The following RABL2A variants were observed in gnomAD, a reference collection of about 807,000 sequenced individuals.
RABL2A encodes the protein RAB, member of RAS oncogene family like 2A.
A neutral mutation model predicts 30.7 loss-of-function variants in RABL2A; 17 were observed. The ratio of observed to expected loss-of-function variants is 0.55; its 90% confidence interval spans 0.38 to 0.83. The LOEUF (loss-of-function observed/expected upper bound fraction) is 0.83. Among genes scored for constraint, RABL2A ranks in the 40% least tolerant of loss-of-function variants. The probability of loss-of-function intolerance (pLI) is 0.00; values close to 1 mark genes in which losing one functional copy is unlikely to be tolerated. For missense variants in RABL2A, 155 were observed against 272.6 expected, an observed-to-expected ratio of 0.57 and a Z score of 3.04; for synonymous variants, 64 against 101.8, an observed-to-expected ratio of 0.63 and a Z score of 2.24.
chr2:113,639,538 C>G (rs1032754481), intron 5 of RABL2A, among the ~76,000 whole-genome samples: 9 of 150,886 alleles, frequency 6.0e-5, no homozygotes, highest in African/African-American at 2.2e-4. Flanking sequence ...AAGAGAATCG[C>G]TTGAACCTAG....
intron 3 of RABL2A, chr2:113,633,320 A>C (rs925320357): frequency 9.1e-6 from 3 of 329,998 alleles, no homozygotes; most frequent in Non-Finnish European, 1.7e-5. Context: ...CTACTATTGA[A>C]AAAAATCTCT....
At chr2:113,636,860 G>T (rs972565314) in intron 5 of RABL2A, among the ~76,000 whole-genome samples, 1 of 151,930 alleles carries the variant, frequency 6.6e-6, no homozygotes, top group Non-Finnish European at 1.5e-5. Flanking sequence ...GTGGTAGCGG[G>T]CGCCTGTAGT....
At chr2:113,632,665 G>GA (rs1416327088) in intron 2 of RABL2A, among the ~76,000 whole-genome samples, 1 of 152,246 alleles carries the variant, frequency 6.6e-6, no homozygotes, top group African/African-American at 2.4e-5. Flanking sequence ...TGCTCTGGTG[G>GA]AAATAACAGA....
chr2:113,637,314 C>G (rs551347676), intron 5 of RABL2A: 1 of 990,884 alleles, frequency 1.0e-6, no homozygotes, highest in African/African-American at 1.7e-5. Flanking sequence ...GCTTCAATGC[C>G]ACCACCTCCG....
intron 2 of RABL2A, among the ~76,000 whole-genome samples, chr2:113,629,926 G>A (rs947418265): frequency 1.8e-4 from 27 of 152,058 alleles, no homozygotes; most frequent in African/African-American, 6.5e-4. Context: ...GTTTGGGAAG[G>A]TTACCCAATA....
In RABL2A at chr2:113,634,186, C is replaced by A; in HGVS notation, c.171C>A (p.Thr57=). 6.2e-7 allele frequency: 1 copy of A among 1,612,840 alleles called. No homozygotes were observed. Among genetic ancestry groups the A allele is most frequent in the Non-Finnish European group, 8.5e-7 (1 of 1,179,368 alleles). The change falls in exon 4 of 9, where the codon ACC becomes ACA. Residue 57 remains threonine (T), a synonymous_variant. Coordinates refer to ENST00000683472, the MANE Select transcript of RABL2A (RefSeq NM_001306158.2). ...AGCAGCTGTCCACGTACGCCCTGAC[C>A]CTGTACAAGCACACAGCCACGGTAG... is the stretch of plus-strand genomic sequence containing the variant. The part of the protein sequence containing the change: ...QPQQLSTYAL[T]LYKHTATVDG...
chr2:113,641,707 T>C (rs1277548182), intron 7 of RABL2A, 74 bp from the exon 8 acceptor site: 3 of 588,394 alleles, frequency 5.1e-6, no homozygotes, highest in Non-Finnish European at 8.9e-6. Context: ...TTGTGTAGTC[T>C]CACAGTGGGG....
At chr2:113,627,778 A>G (rs1402560259) in intron 1 of RABL2A, 5 of 228,714 alleles carry the variant, frequency 2.2e-5, no homozygotes, top group African/African-American at 9.3e-5. Context: ...GTGAGACCCT[A>G]TCTCTAAACA....
intron 2 of RABL2A, among the ~76,000 whole-genome samples, chr2:113,630,639 T>A (rs1271266726): frequency 6.6e-6 from 1 of 152,040 alleles, no homozygotes; most frequent in Non-Finnish European, 1.5e-5. Flanking sequence ...GTGCCTTTTT[T>A]TTTTTTTCTC....
rs1186636524 is a variant in RABL2A, at chr2:113,642,340, T to A, written c.*211T>A. 8.5e-7 allele frequency: 1 copy of A among 1,169,906 alleles called. No individual in the cohort carries two copies. Among genetic ancestry groups the A allele is most frequent in the African/African-American group, 1.6e-5 (1 of 64,476 alleles). The allele number at this position is 1,169,906 out of a possible 1,614,324, so 72.5% of individuals were successfully genotyped here. On this transcript the variant is annotated 3_prime_UTR_variant, in exon 9 of 9. Coordinates refer to ENST00000683472, the MANE Select transcript of RABL2A (RefSeq NM_001306158.2). ...ACTGGTGGAAGAATTCCCCACCAGA[T>A]CTCCTTGAAGCAGAATTAGGGATCA...
chr2:113,630,239 C>T (rs1307576429), intron 2 of RABL2A, among the ~76,000 whole-genome samples: 3 of 152,166 alleles, frequency 2.0e-5, no homozygotes, highest in Admixed American at 6.5e-5. Context: ...AAAAGGTTGT[C>T]CCAGATACAA....
chr2:113,635,502 C>T, intron 5 of RABL2A: 1 of 360,282 alleles, frequency 2.8e-6, no homozygotes, highest in Non-Finnish European at 5.4e-6. Flanking sequence ...CTAGGGGGCA[C>T]ATGCTGGGAC....
chr2:113,637,320 C>T (rs1482711348), intron 5 of RABL2A: 2 of 994,896 alleles, frequency 2.0e-6, no homozygotes, highest in Non-Finnish European at 2.4e-6. Context: ...ATGCCACCAC[C>T]TCCGTGCAGC....
Position 113,638,335 on chromosome 2 carries a change from G to A in RABL2A, c.298-2559G>A, listed in dbSNP as rs140366527. On this transcript the variant is annotated intron_variant, in intron 5 of 8. Transcript: ENST00000683472. ...CCTAGCCCTGAGCTTGAACCATGTT[G>A]CTTGCACAAATAGCTGGGTGATTTA... The A allele has an allele frequency of 1.1e-3, 1,055 of 985,424 alleles. 18 individuals are homozygous for A. The African/African-American group carries it at 0.017, about 16-fold the overall frequency. 61.0% of individuals were successfully genotyped at this position (985,424 alleles called of 1,614,324 possible).
rs551772490 is a variant in RABL2A at position 113,634,174 on chromosome 2, G to A, written c.159G>A (p.Thr53=). The part of the protein sequence containing the change: ...MDGFQPQQLS[T]YALTLYKHTA... ...GCAGTCAGCCACAGCAGCTGTCCAC[G>A]TACGCCCTGACCCTGTACAAGCACA... Residue 53 remains threonine (T), a synonymous_variant, in exon 4 of 9, where the codon ACG becomes ACA. Coordinates refer to ENST00000683472, the MANE Select transcript of RABL2A (RefSeq NM_001306158.2). The A allele has an allele frequency of 1.6e-4, 259 of 1,612,302 alleles. 1 individual carries two copies. The highest frequency in any genetic ancestry group is 7.7e-4 in the South Asian group (70 of 90,624).
At chr2:113,639,465 T>G (rs1051895152) in intron 5 of RABL2A, among the ~76,000 whole-genome samples, 13 of 142,860 alleles carry the variant, frequency 9.1e-5, no homozygotes, top group African/African-American at 2.9e-4. Flanking sequence ...CTACTAAAAC[T>G]ACAAAAATTA....
chr2:113,628,138 G>T (rs1678828729), intron 1 of RABL2A: 2 of 267,890 alleles, frequency 7.5e-6, no homozygotes, highest in South Asian at 8.9e-5. Flanking sequence ...GCCCAGTAAG[G>T]CTCACCTATT....
At position 113,627,322 on chromosome 2, in the gene RABL2A, A is replaced by C. The variant is rs1486832336; in HGVS notation, c.-132A>C. ...CCGGCGGGGTGGTTCGAGAGCGCGC[A>C]GAGTCCAGACTGGCGGCAGGGCCCG... On this transcript the variant is annotated 5_prime_UTR_variant, in exon 1 of 9. Coordinates refer to ENST00000683472, the MANE Select transcript of RABL2A (RefSeq NM_001306158.2). 1 of 132,668 alleles carries C rather than the reference A, an allele frequency of 7.5e-6. No homozygotes were observed. Among genetic ancestry groups the C allele is most frequent in the South Asian group, 2.4e-4 (1 of 4,138 alleles). 8.2% of individuals were successfully genotyped at this position (132,668 alleles called of 1,614,324 possible).
At position 113,627,291 on chromosome 2, in the gene RABL2A, G is replaced by A. The variant is rs1458204548; in HGVS notation, c.-163G>A. On this transcript the variant is annotated 5_prime_UTR_variant, in exon 1 of 9. Transcript: ENST00000683472. ...GGAAGTGGAGTGCGCTGCGGTGCGA[G>A]CTGGGCCGGCGGGGTGGTTCGAGAG... 4.6e-5 allele frequency: 6 copies of A among 129,872 alleles called. No homozygotes were observed. The highest frequency in any genetic ancestry group is 2.1e-4 in the African/African-American group (6 of 28,788). The allele number at this position is 129,872 out of a possible 1,614,324, so 8.0% of individuals were successfully genotyped here. A position where few individuals can be genotyped will look rare whatever the true frequency, so the allele number is the denominator to read the frequency against.
Sources: allele counts gnomAD v4.1 joint callset (sites outside exome capture counted in the v4.1 genomes callset), GRCh38; gene constraint gnomAD v4.1.1; transcripts MANE v1.5; gene names NCBI Gene and HGNC (gene_info 2026-07-23, HGNC 2026-07-21).